The following LRP1B variants were observed in gnomAD, a reference collection of about 807,000 sequenced individuals.
LRP1B encodes LDL receptor related protein 1B, also known as low-density lipoprotein receptor-related protein 1B.
Under a neutral mutation model 556.6 loss-of-function variants are expected in LRP1B, and 217 were observed. That is an observed-to-expected ratio of 0.39 (90% CI 0.35 to 0.44). LRP1B has a LOEUF of 0.44. Among genes scored for constraint, LRP1B ranks in the 20% least tolerant of loss-of-function variants. The pLI is 1.00. For synonymous variants in LRP1B, 2,047 were observed against 1,865.8 expected (o/e 1.10, Z -2.50); for missense variants, 5,053 against 5,620.8 (o/e 0.90, Z 3.23).
In LRP1B at chr2:141,837,809, T is replaced by A. The variant is rs115106796; in HGVS notation, c.83-27408A>T. Reference sequence around the variant, plus strand: ...ATATTTTTGTGTGTAGTATAGACTATTAAACTTCACCAACACATTAACCTA... The same window carrying A: ...ATATTTTTGTGTGTAGTATAGACTAATAAACTTCACCAACACATTAACCTA... On this transcript the variant is annotated intron_variant, in intron 1 of 90. Coordinates refer to ENST00000389484, the MANE Select transcript of LRP1B (RefSeq NM_018557.3). 5.8e-3 allele frequency among the ~76,000 whole-genome samples: 884 copies of A among 152,264 alleles called. 4 individuals carry two copies. Among genetic ancestry groups the A allele is most frequent in the Middle Eastern group, 0.01 (3 of 294 alleles).
At chr2:141,042,144 C>G (rs564636054) in intron 11 of LRP1B, among the ~76,000 whole-genome samples, 5 of 152,230 alleles carry the variant, frequency 3.3e-5, no homozygotes, top group African/African-American at 1.2e-4. Context: ...GTGCCTTAGA[C>G]TCTATTTTCA....
intron 27 of LRP1B, among the ~76,000 whole-genome samples, chr2:140,861,067 C>CT (rs1351808620): frequency 6.6e-6 from 1 of 151,948 alleles, no homozygotes; most frequent in Non-Finnish European, 1.5e-5. Context: ...TTAACAAACA[C>CT]TTTTAAAGTG....
chr2:142,129,368 G>A (rs1707766523), intron 1 of LRP1B, among the ~76,000 whole-genome samples: 1 of 152,168 alleles, frequency 6.6e-6, no homozygotes, highest in African/African-American at 2.4e-5. Context: ...CACTGGTAGA[G>A]GAAATAACAC....
At chr2:141,240,435 GAT>G (rs1683822128) in intron 5 of LRP1B, among the ~76,000 whole-genome samples, 1 of 151,760 alleles carries the variant, frequency 6.6e-6, no homozygotes, top group Non-Finnish European at 1.5e-5. Flanking sequence ...TTTCAATAGT[GAT>G]ATACTTTTAT....
intron 1 of LRP1B, among the ~76,000 whole-genome samples, chr2:141,874,844 A>G (rs919705771): frequency 2.0e-5 from 3 of 151,968 alleles, no homozygotes; most frequent in African/African-American, 7.2e-5. Context: ...CTTATGGCCA[A>G]TGGATTGTTT....
At chr2:141,836,883 C>A (rs1445136080) in intron 1 of LRP1B, among the ~76,000 whole-genome samples, 3 of 151,762 alleles carry the variant, frequency 2.0e-5, no homozygotes, top group African/African-American at 7.3e-5. Flanking sequence ...TCTTTAGATC[C>A]TATGACAAAG....
At chr2:140,847,919 A>T (rs1201378814) in intron 29 of LRP1B, among the ~76,000 whole-genome samples, 1 of 152,194 alleles carries the variant, frequency 6.6e-6, no homozygotes, top group Non-Finnish European at 1.5e-5. Context: ...GAGTCTGCTA[A>T]ATAGAAGTAA....
intron 1 of LRP1B, among the ~76,000 whole-genome samples, chr2:142,021,893 T>G (rs569539445): frequency 6.6e-6 from 1 of 152,296 alleles, no homozygotes; most frequent in Non-Finnish European, 1.5e-5. Flanking sequence ...GGTGACCTTT[T>G]GTTTCACTGC....
chr2:140,861,877 C>T (rs1334098417), intron 27 of LRP1B, among the ~76,000 whole-genome samples: 1 of 152,080 alleles, frequency 6.6e-6, no homozygotes, highest in African/African-American at 2.4e-5. Flanking sequence ...TGAAACTGTT[C>T]CTTTTGTGTG....
intron 84 of LRP1B, among the ~76,000 whole-genome samples, chr2:140,275,085 A>G (rs1003760607): frequency 6.6e-6 from 1 of 151,970 alleles, no homozygotes; most frequent in African/African-American, 2.4e-5. Context: ...GTAAGCCACA[A>G]ACTTTCTCAT....
intron 20 of LRP1B, among the ~76,000 whole-genome samples, chr2:140,928,001 C>T (rs945238968): frequency 1.3e-5 from 2 of 151,962 alleles, no homozygotes. Context: ...CCACCTTGGC[C>T]TCTCAAAGTT....
chr2:142,116,614 T>C (rs919759352), intron 1 of LRP1B, among the ~76,000 whole-genome samples: 2 of 152,198 alleles, frequency 1.3e-5, no homozygotes, highest in Non-Finnish European at 2.9e-5. Flanking sequence ...TTGCCAATGC[T>C]ACATTTTTGT....
intron 69 of LRP1B, 129 bp downstream of exon 69, chr2:140,372,879 T>G (rs1558836761): frequency 1.1e-6 from 1 of 944,644 alleles, no homozygotes; most frequent in African/African-American, 1.7e-5. Flanking sequence ...TCCACAGATT[T>G]GCAGACCCTT....
intron 16 of LRP1B, among the ~76,000 whole-genome samples, chr2:140,990,499 A>T (rs1318750288): frequency 1.3e-5 from 2 of 152,176 alleles, no homozygotes; most frequent in South Asian, 4.1e-4. Flanking sequence ...GAAAACACAG[A>T]AAAGAAAAAT....
chr2:142,021,440 A>T (rs1285573600), intron 1 of LRP1B, among the ~76,000 whole-genome samples: 1 of 152,192 alleles, frequency 6.6e-6, no homozygotes, highest in East Asian at 1.9e-4. Context: ...GCACAAAAGT[A>T]CTAGAAGGTA....
chr2:141,101,727 TA>T (rs1700467171), intron 7 of LRP1B, among the ~76,000 whole-genome samples: 1 of 152,172 alleles, frequency 6.6e-6, no homozygotes, highest in South Asian at 2.1e-4. Flanking sequence ...TAGAAGTTGC[TA>T]GGGAGCAATA....
rs186082042 is a variant in LRP1B, at chr2:141,416,825, C to A, written c.343+63571G>T. Among the ~76,000 whole-genome samples, 137 of 152,262 alleles carry A rather than the reference C, an allele frequency of 9.0e-4. 2 individuals are homozygous for A. In the Middle Eastern group the frequency reaches 0.01, roughly 11 times the overall value. ...CAAGGAAAGAAGAAAAGGCCTTCTG[C>A]ATGCAGCCTTGACCCTCTCCCTAGC... On this transcript the variant is annotated intron_variant, in intron 3 of 90. Transcript: ENST00000389484.
intron 1 of LRP1B, among the ~76,000 whole-genome samples, chr2:141,865,591 CAA>C (rs78227528): frequency 6.9e-5 from 3 of 43,326 alleles, no homozygotes; most frequent in Admixed American, 2.8e-4. Flanking sequence ...GACTCCGTCT[CAA>C]AAAAAAAAAA....
intron 45 of LRP1B, among the ~76,000 whole-genome samples, chr2:140,538,577 T>A (rs1680016939): frequency 6.6e-6 from 1 of 152,050 alleles, no homozygotes; most frequent in Non-Finnish European, 1.5e-5. Context: ...TTCTTTTCTC[T>A]TGGTGCAGTC....
Sources: allele counts gnomAD v4.1 joint callset (sites outside exome capture counted in the v4.1 genomes callset), GRCh38; gene constraint gnomAD v4.1.1; transcripts MANE v1.5; gene names NCBI Gene and HGNC (gene_info 2026-07-23, HGNC 2026-07-21).